HMCN1: variants seen among roughly 807,000 people sequenced by gnomAD.
HMCN1 encodes the protein hemicentin-1.
HMCN1 carries 321 observed loss-of-function variants against 625.9 expected under a neutral mutation model. The observed-to-expected ratio is 0.51, with a 90% CI of 0.47 to 0.56. The LOEUF (loss-of-function observed/expected upper bound fraction) is 0.56, where lower values mean the gene tolerates loss of function less well. Among genes scored for constraint, HMCN1 ranks in the 20% least tolerant of loss-of-function variants. HMCN1 has a pLI of 0.00. For synonymous variants in HMCN1, 2,425 were observed against 2,417.6 expected, an observed-to-expected ratio of 1.00 and a Z score of -0.09; for missense variants, 6,588 against 6,887.3, an observed-to-expected ratio of 0.96 and a Z score of 1.54.
chr1:186,014,556 G>T (rs1654227867), intron 30 of HMCN1, among the ~76,000 whole-genome samples: 1 of 152,006 alleles, frequency 6.6e-6, no homozygotes, highest in Admixed American at 6.6e-5. Context: ...TAGCAGCACA[G>T]CCCTTATGTA....
At chr1:185,906,827 T>C (rs1666122358) in intron 4 of HMCN1, among the ~76,000 whole-genome samples, 2 of 151,848 alleles carry the variant, frequency 1.3e-5, no homozygotes, top group Admixed American at 6.6e-5. Context: ...ACAGATATTC[T>C]GTCCATTTGT....
intron 36 of HMCN1, 132 bp downstream of exon 36, chr1:186,023,285 A>AG: frequency 1.5e-6 from 1 of 682,960 alleles, no homozygotes; most frequent in South Asian, 1.8e-5. Flanking sequence ...AAAAAAACCT[A>AG]GGGTTTTTTT....
intron 60 of HMCN1, 88 bp from the exon 61 acceptor site, chr1:186,087,844 A>T: frequency 7.8e-7 from 1 of 1,281,162 alleles, no homozygotes; most frequent in Non-Finnish European, 1.1e-6. Flanking sequence ...GAGCATACAG[A>T]TGACTGATGA....
At chr1:186,163,757 A>G (rs947760884) in intron 97 of HMCN1, among the ~76,000 whole-genome samples, 4 of 152,200 alleles carry the variant, frequency 2.6e-5, no homozygotes, top group African/African-American at 7.2e-5. Context: ...GGGACAAATC[A>G]TCATCTTGCA....
In HMCN1 at chr1:186,049,176, G is replaced by T. The variant is rs563650935; in HGVS notation, c.6577+337G>T. ...TCAATGGAAAGAAAATAAGCCAAAA[G>T]GCCAAATTATATATGTGAACTGTGT... is the stretch of plus-strand genomic sequence containing the variant. On this transcript the variant is annotated intron_variant, in intron 42 of 106. Transcript: ENST00000271588. Among the ~76,000 whole-genome samples the T allele has an allele frequency of 3.9e-5, 6 of 152,022 alleles. 1 individual carries two copies. The highest frequency in any genetic ancestry group is 1.4e-4 in the African/African-American group (6 of 41,510).
At chr1:186,162,065 G>A (rs991564551) in intron 97 of HMCN1, among the ~76,000 whole-genome samples, 7 of 152,172 alleles carry the variant, frequency 4.6e-5, no homozygotes, top group Non-Finnish European at 8.8e-5. Flanking sequence ...CCAATCAGAC[G>A]TAGATTTGGT....
chr1:185,812,370 A>G (rs1281063786), intron 1 of HMCN1, among the ~76,000 whole-genome samples: 1 of 152,208 alleles, frequency 6.6e-6, no homozygotes, highest in African/African-American at 2.4e-5. Context: ...TTGACTTGAA[A>G]AAAATGAATA....
chr1:185,996,224 G>A (rs950561363), intron 24 of HMCN1, among the ~76,000 whole-genome samples: 2 of 152,080 alleles, frequency 1.3e-5, no homozygotes, highest in Non-Finnish European at 2.9e-5. Flanking sequence ...CCTTGGGGTA[G>A]GGACATGTCA....
intron 83 of HMCN1, 75 bp from the exon 84 acceptor site, chr1:186,129,891 T>G (rs1476884992): frequency 1.3e-6 from 2 of 1,572,732 alleles, no homozygotes; most frequent in African/African-American, 2.7e-5. Flanking sequence ...AAATCTAATG[T>G]GCAAAATACT....
intron 103 of HMCN1, among the ~76,000 whole-genome samples, chr1:186,177,640 T>A (rs1652681712): frequency 6.6e-6 from 1 of 152,138 alleles, no homozygotes; most frequent in Non-Finnish European, 1.5e-5. Context: ...ATAAAAATTT[T>A]AAAATAAACA....
Position 186,189,815 on chromosome 1 carries a change from T to C in HMCN1, c.16845T>C (p.Asn5615=), listed in dbSNP as rs771132854. The change falls in exon 107 of 107, where the codon AAT becomes AAC. Residue 5615 remains asparagine (N), a synonymous_variant. Transcript: ENST00000271588. The part of the protein sequence containing the change: ...MRVRASSYSA[N]GTIEYQTTFI... ...TCCGAGCCTCATCCTACAGTGCCAA[T>C]GGGACCATTGAATATCAGACCACAT... 2 of 1,613,746 alleles carry C rather than the reference T, an allele frequency of 1.2e-6. No individual in the cohort carries two copies. The highest frequency in any genetic ancestry group is 1.7e-6 in the Non-Finnish European group (2 of 1,179,876).
At chr1:185,998,357 G>A (rs1036342431) in intron 25 of HMCN1, among the ~76,000 whole-genome samples, 1 of 152,018 alleles carries the variant, frequency 6.6e-6, no homozygotes, top group Non-Finnish European at 1.5e-5. Context: ...CTGTTTCTGT[G>A]GCAAGCTTTT....
At chr1:185,854,930 A>G (rs2102336252) in intron 2 of HMCN1, among the ~76,000 whole-genome samples, 1 of 152,344 alleles carries the variant, frequency 6.6e-6, no homozygotes, top group East Asian at 1.9e-4. Flanking sequence ...AACAAAGATA[A>G]TACCAAATGT....
At chr1:185,742,419 G>A (rs1654051697) in intron 1 of HMCN1, among the ~76,000 whole-genome samples, 2 of 141,754 alleles carry the variant, frequency 1.4e-5, no homozygotes, top group South Asian at 4.5e-4. Context: ...ATTCCTCCAG[G>A]ACTTTTTTTT....
At chr1:185,972,304 C>G (rs562806302) in intron 15 of HMCN1, among the ~76,000 whole-genome samples, 1 of 152,114 alleles carries the variant, frequency 6.6e-6, no homozygotes, top group African/African-American at 2.4e-5. Context: ...TTACTTGCTG[C>G]CTTCTTGGTA....
Position 186,119,768 on chromosome 1 carries a change from C to T in HMCN1, c.11980C>T (p.Pro3994Ser). Residue 3994 changes from proline to serine, a missense_variant, in exon 79 of 107, where the codon CCA becomes TCA. Around this residue, in one of 3 missense-constraint regions of HMCN1, gnomAD observed 4,628 missense variants for 4,853.1 expected, o/e 0.95. Transcript: ENST00000271588. ...AGAGCCTCCAGTCATTCAGCCCCAA[C>T]CAAGTGAACTACACGTCATTCTGAA... is the stretch of plus-strand genomic sequence containing the variant. Reference protein sequence around the residue: ...VHEPPVIQPQPSELHVILNNP... With the variant: ...VHEPPVIQPQSSELHVILNNP... The T allele has an allele frequency of 1.2e-6, 2 of 1,613,978 alleles. No individual in the cohort carries two copies. The highest frequency in any genetic ancestry group is 1.7e-6 in the Non-Finnish European group (2 of 1,179,916).
chr1:185,995,084 C>G lies in HMCN1; in HGVS notation c.3775C>G (p.Gln1259Glu). 1.1e-5 allele frequency: 17 copies of G among 1,613,196 alleles called. No homozygotes were observed. The highest frequency in any genetic ancestry group is 1.4e-5 in the Non-Finnish European group (17 of 1,179,398). Residue 1259 changes from glutamine to glutamate, a missense_variant, in exon 24 of 107, where the codon CAA becomes GAA. Transcript: ENST00000271588. ...TDETEITLHV[Q>E]EPPTVEDLEP... ...TGAAACAGAGATAACGCTACATGTC[C>G]AAGGTGATTCTTGACACAGGAAAAT...
chr1:185,979,918 G>T lies in HMCN1; in HGVS notation c.2567-1060G>T, dbSNP rs528164968. Among the ~76,000 whole-genome samples the T allele has an allele frequency of 3.3e-5, 5 of 152,094 alleles. No individual in the cohort carries two copies. The East Asian group carries it at 5.8e-4, about 18-fold the overall frequency. On this transcript the variant is annotated intron_variant, in intron 16 of 106. Transcript: ENST00000271588. The stretch of plus-strand genomic sequence containing the variant: ...AAAATCCTCTCCTTCCTTCCTGATT[G>T]CTCACAAGACAAAACCATACTCTTG...
chr1:186,166,150 A>G (rs756565905), intron 98 of HMCN1, 34 bp from the exon 99 acceptor site: 32 of 1,612,752 alleles, frequency 2.0e-5, no homozygotes, highest in African/African-American at 4.0e-5. Flanking sequence ...AGGATTTTAC[A>G]TACTGATTTG....
Sources: gnomAD v4.1 joint callset for allele counts (sites outside exome capture counted in the v4.1 genomes callset) on GRCh38, gnomAD v4.1.1 for gene constraint, gnomAD v4.1.1 regional missense constraint, MANE v1.5 for transcripts, NCBI Gene and HGNC (gene_info 2026-07-23, HGNC 2026-07-21) for gene names.